Variants in GALNT13 observed in about 807,000 individuals in gnomAD.
GALNT13 encodes the protein polypeptide N-acetylgalactosaminyltransferase 13.
Under a neutral mutation model 64.2 loss-of-function variants are expected in GALNT13, and 28 were observed. That is an observed-to-expected ratio of 0.44 (90% CI 0.32 to 0.60). GALNT13 has a LOEUF of 0.60. GALNT13 is among the 20% of genes least tolerant of loss of function. The pLI is 0.05. For missense variants in GALNT13, 577 were observed against 669.8 expected (o/e 0.86, Z 1.53); for synonymous variants, 214 against 224.6 (o/e 0.95, Z 0.42).
chr2:153,645,643 A>G, the GALNT13 span, among the ~76,000 whole-genome samples: 1 of 152,096 alleles, frequency 6.6e-6, no homozygotes, highest in East Asian at 1.9e-4. Flanking sequence ...TGGATTAGAG[A>G]AAGTGTATTT....
chr2:154,451,820 C>T lies in GALNT13; in HGVS notation c.*1269C>T, dbSNP rs1701881765. The stretch of plus-strand genomic sequence containing the variant: ...ATCATTTTAAATGCTCAAAGAGTTG[C>T]CCTATATATGCATGTTATCCATTAT... On this transcript the variant is annotated 3_prime_UTR_variant, in exon 13 of 13. Transcript: ENST00000392825. The T allele has an allele frequency of 2.0e-5, 3 of 152,076 alleles. No homozygotes were observed. In the South Asian group the frequency reaches 6.2e-4, roughly 32 times the overall value. 9.4% of individuals were successfully genotyped at this position (152,076 alleles called of 1,614,324 possible).
chr2:154,188,166 T>C (rs889437711), intron 4 of GALNT13, among the ~76,000 whole-genome samples: 2 of 152,220 alleles, frequency 1.3e-5, no homozygotes, highest in South Asian at 4.1e-4. Flanking sequence ...TTTGAACAGA[T>C]GTACAAATGT....
At chr2:153,911,774 T>C (rs1688957417) in intron 2 of GALNT13, among the ~76,000 whole-genome samples, 2 of 152,200 alleles carry the variant, frequency 1.3e-5, no homozygotes, top group Admixed American at 1.3e-4. Flanking sequence ...TTCTGAGAAG[T>C]TGGCTGTTAG....
chr2:153,084,617 G>A, the GALNT13 span, among the ~76,000 whole-genome samples: 268 of 152,250 alleles, frequency 1.8e-3, 5 homozygotes, highest in East Asian at 0.038. Flanking sequence ...TAAGTCTCAT[G>A]AGATCTGATG....
chr2:153,942,739 G>A (rs1223135602), intron 2 of GALNT13, among the ~76,000 whole-genome samples: 1 of 151,250 alleles, frequency 6.6e-6, no homozygotes, highest in Non-Finnish European at 1.5e-5. Context: ...TAATTTTTTT[G>A]TAATTACTAA....
chr2:154,176,024 G>T (rs530288121), intron 4 of GALNT13, among the ~76,000 whole-genome samples: 1 of 152,032 alleles, frequency 6.6e-6, no homozygotes, highest in Admixed American at 6.6e-5. Context: ...TAAAAAAAAG[G>T]TTAAGAAACC....
the GALNT13 span, among the ~76,000 whole-genome samples, chr2:153,719,204 G>T: frequency 6.6e-6 from 1 of 152,150 alleles, no homozygotes; most frequent in African/African-American, 2.4e-5. Flanking sequence ...GAAAAGGGAA[G>T]ACCAGGAAAA....
At chr2:154,228,460 A>G (rs536727883) in intron 4 of GALNT13, among the ~76,000 whole-genome samples, 8 of 152,164 alleles carry the variant, frequency 5.3e-5, no homozygotes, top group African/African-American at 1.9e-4. Flanking sequence ...TGAGGGAATT[A>G]TTTTCTCTGG....
chr2:154,279,817 C>A (rs967440306), intron 8 of GALNT13, among the ~76,000 whole-genome samples: 2 of 151,900 alleles, frequency 1.3e-5, no homozygotes, highest in African/African-American at 4.8e-5. Context: ...AAAAAACTGT[C>A]AAAAGTAGAG....
At chr2:153,304,940 G>C in the GALNT13 span, among the ~76,000 whole-genome samples, 1 of 152,154 alleles carries the variant, frequency 6.6e-6, no homozygotes, top group African/African-American at 2.4e-5. Context: ...GGTTAGCTGA[G>C]GGTTAAGGGG....
chr2:154,302,904 C>G (rs887034968), intron 9 of GALNT13, among the ~76,000 whole-genome samples: 1 of 152,116 alleles, frequency 6.6e-6, no homozygotes, highest in Non-Finnish European at 1.5e-5. Context: ...CTCAGTTAAT[C>G]TTCTCAGGTT....
At chr2:153,920,207 G>C (rs1689659252) in intron 2 of GALNT13, among the ~76,000 whole-genome samples, 1 of 151,768 alleles carries the variant, frequency 6.6e-6, no homozygotes, top group African/African-American at 2.4e-5. Context: ...AGTTTGGATT[G>C]TCTTGAAAAA....
the GALNT13 span, among the ~76,000 whole-genome samples, chr2:153,565,617 G>T: frequency 6.6e-6 from 1 of 151,898 alleles, no homozygotes; most frequent in African/African-American, 2.4e-5. Context: ...TTTTTTTCTC[G>T]TAAGTGTTAT....
chr2:153,922,259 A>G (rs1031923694), intron 2 of GALNT13, among the ~76,000 whole-genome samples: 1 of 152,126 alleles, frequency 6.6e-6, no homozygotes, highest in African/African-American at 2.4e-5. Flanking sequence ...ATTTCACAGA[A>G]ATTAATAGAT....
chr2:153,165,837 A>G, the GALNT13 span, among the ~76,000 whole-genome samples: 1 of 152,212 alleles, frequency 6.6e-6, no homozygotes, highest in African/African-American at 2.4e-5. Flanking sequence ...CCAAGATAAA[A>G]ATAAAGAAGC....
chr2:153,282,603 A>G, the GALNT13 span, among the ~76,000 whole-genome samples: 425 of 152,206 alleles, frequency 2.8e-3, 1 homozygote, highest in Non-Finnish European at 5.0e-3. Flanking sequence ...TTTTGTAGGG[A>G]TAGGGTTTCA....
intron 3 of GALNT13, among the ~76,000 whole-genome samples, chr2:154,133,548 AT>A (rs1682762334): frequency 9.1e-5 from 2 of 21,902 alleles, no homozygotes; most frequent in African/African-American, 2.4e-4. Context: ...ATATATATAT[AT>A]ATATATATAT....
intron 3 of GALNT13, among the ~76,000 whole-genome samples, chr2:154,113,546 A>G (rs753567862): frequency 6.6e-6 from 1 of 152,336 alleles, no homozygotes; most frequent in Non-Finnish European, 1.5e-5. Flanking sequence ...ATATCTCAAC[A>G]GGCCCCACAC....
At chr2:153,983,710 C>G (rs892372145) in intron 3 of GALNT13, among the ~76,000 whole-genome samples, 2 of 151,878 alleles carry the variant, frequency 1.3e-5, no homozygotes, top group Admixed American at 6.6e-5. Flanking sequence ...TCATTGCAAC[C>G]CTTTATGTCC....
Sources: allele counts gnomAD v4.1 joint callset (sites outside exome capture counted in the v4.1 genomes callset), GRCh38; gene constraint gnomAD v4.1.1; transcripts MANE v1.5; gene names NCBI Gene and HGNC (gene_info 2026-07-23, HGNC 2026-07-21).